PSD3: variants seen among roughly 807,000 people sequenced by gnomAD.
The protein encoded by PSD3 is PH and SEC7 domain-containing protein 3.
A neutral mutation model predicts 105.5 loss-of-function variants in PSD3; 49 were observed. That is an observed-to-expected ratio of 0.46 (90% confidence interval 0.37 to 0.59). The LOEUF (loss-of-function observed/expected upper bound fraction) is 0.59. Ranked by LOEUF, PSD3 falls within the 20% of genes least tolerant of loss-of-function variation. The pLI, the probability that PSD3 is intolerant of heterozygous loss-of-function variation, is 0.00. For missense variants in PSD3, 1,561 were observed against 1,263.8 expected (o/e 1.24, Z -3.57); for synonymous variants, 557 against 457.8 (o/e 1.22, Z -2.77).
At chr8:18,868,738 G>A (rs1817127867) in intron 3 of PSD3, among the ~76,000 whole-genome samples, 1 of 152,138 alleles carries the variant, frequency 6.6e-6, no homozygotes, top group South Asian at 2.1e-4. Context: ...ACACAAACGT[G>A]AACAATTAAT....
intron 1 of PSD3, among the ~76,000 whole-genome samples, chr8:19,007,987 C>T (rs1826772262): frequency 1.3e-5 from 2 of 152,154 alleles, no homozygotes; most frequent in African/African-American, 4.8e-5. Context: ...GGATTACAGG[C>T]ACCTGCCACC....
intron 4 of PSD3, among the ~76,000 whole-genome samples, chr8:18,852,269 C>T (rs1450270519): frequency 6.6e-6 from 1 of 152,098 alleles, no homozygotes; most frequent in Non-Finnish European, 1.5e-5. Flanking sequence ...GACCAGGAAA[C>T]TCAGACCAGG....
At position 19,033,510 on chromosome 8, in the gene PSD3, G is replaced by A. The variant is rs192698091; in HGVS notation, c.324+50696C>T. 8.6e-5 allele frequency among the ~76,000 whole-genome samples: 13 copies of A among 150,626 alleles called. No homozygotes were observed. In the East Asian group the frequency reaches 1.2e-3, roughly 14 times the overall value. The stretch of plus-strand genomic sequence containing the variant: ...TGTGAAAATCAGGACAATTTAAAAC[G>A]TCTCTTCCTTCCTTCTCTGCTTTGA... On this transcript the variant is annotated intron_variant, in intron 1 of 1. Transcript: ENST00000521475.
intron 4 of PSD3, among the ~76,000 whole-genome samples, chr8:18,831,999 A>C (rs1398466187): frequency 6.6e-6 from 1 of 152,270 alleles, no homozygotes; most frequent in East Asian, 1.9e-4. Flanking sequence ...ACATTTTCAT[A>C]AACTGGAACC....
intron 4 of PSD3, among the ~76,000 whole-genome samples, chr8:18,823,547 G>T (rs560921874): frequency 6.6e-6 from 1 of 152,090 alleles, no homozygotes; most frequent in Admixed American, 6.5e-5. Flanking sequence ...CCTGAATTCC[G>T]CAACTTATCA....
chr8:18,602,817 G>T (rs1296776725), intron 11 of PSD3, among the ~76,000 whole-genome samples: 1 of 152,112 alleles, frequency 6.6e-6, no homozygotes, highest in Non-Finnish European at 1.5e-5. Flanking sequence ...CTGGACCCTT[G>T]GTGAGGCTCT....
chr8:18,871,073 C>T (rs140384226), intron 3 of PSD3, among the ~76,000 whole-genome samples: 5 of 152,184 alleles, frequency 3.3e-5, no homozygotes, highest in East Asian at 1.9e-4. Flanking sequence ...TACTCCGGCC[C>T]GGGGGACAGA....
intron 1 of PSD3, among the ~76,000 whole-genome samples, chr8:18,943,493 A>AT (rs1822682234): frequency 1.3e-5 from 2 of 152,166 alleles, no homozygotes; most frequent in Admixed American, 1.3e-4. Flanking sequence ...GACACAGGAG[A>AT]CCACAGGAAA....
At chr8:18,715,390 T>C (rs1015403619) in intron 9 of PSD3, among the ~76,000 whole-genome samples, 3 of 152,206 alleles carry the variant, frequency 2.0e-5, no homozygotes, top group Non-Finnish European at 4.4e-5. Context: ...AGAAACATAT[T>C]ATTAATGTAT....
intron 1 of PSD3, among the ~76,000 whole-genome samples, chr8:18,974,397 T>G (rs1824814990): frequency 8.1e-5 from 1 of 12,406 alleles, no homozygotes; most frequent in Non-Finnish European, 1.4e-4. Context: ...GACTTCAAAA[T>G]CCTCTGAAAC....
At chr8:18,943,367 C>CCCT (rs1199504145) in intron 1 of PSD3, among the ~76,000 whole-genome samples, 1 of 152,144 alleles carries the variant, frequency 6.6e-6, no homozygotes, top group Non-Finnish European at 1.5e-5. Context: ...TTTGCATTTG[C>CCCT]CCTCATCCAA....
chr8:18,632,640 T>A lies in PSD3; in HGVS notation c.2383A>T (p.Ile795Phe). The change falls in exon 11 of 16, where the codon ATT becomes TTT. Residue 795 changes from isoleucine to phenylalanine, a missense_variant. Physicochemically the swap from Ile to Phe is conservative, Grantham distance 21. Coordinates refer to ENST00000327040, the MANE Select transcript of PSD3 (RefSeq NM_015310.4). ...TTCTTTCCATCCATATCTGCATGAA[T>A]TTTCCGAGCCAAGAATCCACTTTTG... ...VYKSGFLARKIHADMDGKKTP... is the reference protein window; with the variant it reads ...VYKSGFLARKFHADMDGKKTP... 1.2e-6 allele frequency: 2 copies of A among 1,612,302 alleles called. No individual in the cohort carries two copies. Among genetic ancestry groups the A allele is most frequent in the South Asian group, 2.2e-5 (2 of 90,824 alleles).
intron 1 of PSD3, among the ~76,000 whole-genome samples, chr8:18,957,622 TA>T (rs897476988): frequency 1.3e-5 from 2 of 152,142 alleles, no homozygotes; most frequent in African/African-American, 2.4e-5. Flanking sequence ...GGGAGGGCTG[TA>T]AAAAAAGACT....
At chr8:18,947,229 T>C (rs989990873) in intron 1 of PSD3, among the ~76,000 whole-genome samples, 4 of 152,106 alleles carry the variant, frequency 2.6e-5, no homozygotes, top group African/African-American at 9.7e-5. Context: ...CATCTTTAAT[T>C]TGTGAAGGTT....
At chr8:19,020,672 A>G (rs991931902) in intron 1 of PSD3, among the ~76,000 whole-genome samples, 2 of 152,042 alleles carry the variant, frequency 1.3e-5, no homozygotes, top group Non-Finnish European at 2.9e-5. Context: ...GCAGGAGATG[A>G]TGGTGGCTTG....
chr8:18,844,243 G>C (rs971962893), intron 4 of PSD3, among the ~76,000 whole-genome samples: 1 of 152,102 alleles, frequency 6.6e-6, no homozygotes, highest in Non-Finnish European at 1.5e-5. Flanking sequence ...TGGAAAGAAA[G>C]AAAATAAAGT....
intron 9 of PSD3, among the ~76,000 whole-genome samples, chr8:18,726,771 C>G (rs1354172896): frequency 6.6e-6 from 1 of 152,170 alleles, no homozygotes; most frequent in Non-Finnish European, 1.5e-5. Flanking sequence ...CCAACTAAAC[C>G]AAAACTACTA....
chr8:18,752,585 ATT>A (rs1805660784), intron 9 of PSD3, among the ~76,000 whole-genome samples: 2 of 81,036 alleles, frequency 2.5e-5, no homozygotes, highest in African/African-American at 1.3e-4. Flanking sequence ...AATTATATAT[ATT>A]ATATATTATA....
intron 2 of PSD3, among the ~76,000 whole-genome samples, chr8:18,918,128 C>G (rs1161022529): frequency 6.6e-6 from 1 of 152,154 alleles, no homozygotes; most frequent in Non-Finnish European, 1.5e-5. Context: ...TAGCATGGCA[C>G]GTAAGACCAT....
Sources: allele counts gnomAD v4.1 joint callset (sites outside exome capture counted in the v4.1 genomes callset), GRCh38; gene constraint gnomAD v4.1.1; transcripts MANE v1.5; gene names NCBI Gene and HGNC (gene_info 2026-07-23, HGNC 2026-07-21).